The following KIF24 variants were observed in gnomAD, a reference collection of about 807,000 sequenced individuals.
KIF24 encodes the protein kinesin-like protein KIF24.
A neutral mutation model predicts 118.9 loss-of-function variants in KIF24; 81 were observed. That is an observed-to-expected ratio of 0.68 (90% CI 0.57 to 0.82). The LOEUF is 0.82. KIF24 is among the 40% of genes least tolerant of loss of function. The probability of loss-of-function intolerance (pLI) is 0.00; values close to 1 mark genes in which losing one functional copy is unlikely to be tolerated. For missense variants in KIF24, 1,560 were observed against 1,661.6 expected (o/e 0.94, Z 1.06); for synonymous variants, 599 against 610.0 (o/e 0.98, Z 0.27).
intron 1 of KIF24, among the ~76,000 whole-genome samples, chr9:34,320,240 A>C (rs183343633): frequency 2.0e-4 from 30 of 152,104 alleles, no homozygotes; most frequent in Non-Finnish European, 3.7e-4. Context: ...TTAGTTCTTC[A>C]AAGATGGGGA....
chr9:34,292,499 A>C (rs1836291022), intron 4 of KIF24, among the ~76,000 whole-genome samples: 2 of 152,176 alleles, frequency 1.3e-5, no homozygotes, highest in African/African-American at 4.8e-5. Flanking sequence ...AAATAAATCT[A>C]CAATGATTGA....
In KIF24 at chr9:34,318,633, C is replaced by T. The variant is rs956159619; in HGVS notation, c.-25-7262G>A. Reference sequence around the variant, plus strand: ...GTGTCGCCCGTGGTGGTGGCCTCGTCGTTGGGGCTCGTGTCGCTGGGCGGC... The same window carrying T: ...GTGTCGCCCGTGGTGGTGGCCTCGTTGTTGGGGCTCGTGTCGCTGGGCGGC... On this transcript the variant is annotated intron_variant, in intron 1 of 12. Transcript: ENST00000402558. The surrounding 1 kb of genome is among the most constrained non-coding windows in gnomAD (Gnocchi z 4.9). The T allele has an allele frequency of 4.7e-5, 72 of 1,530,018 alleles. No individual in the cohort carries two copies. The highest frequency in any genetic ancestry group is 5.6e-5 in the Non-Finnish European group (63 of 1,124,102). 94.8% of individuals were successfully genotyped at this position (1,530,018 alleles called of 1,614,324 possible). A position where few individuals can be genotyped will look rare whatever the true frequency, so the allele number is the denominator to read the frequency against.
chr9:34,290,753 C>A (rs1836227542), intron 4 of KIF24, among the ~76,000 whole-genome samples: 1 of 152,012 alleles, frequency 6.6e-6, no homozygotes, highest in Non-Finnish European at 1.5e-5. Context: ...GTGTGCGCCA[C>A]CATACCGGGC....
upstream of KIF24, among the ~76,000 whole-genome samples, chr9:34,329,919 A>C (rs1213443428): frequency 1.2e-4 from 18 of 152,212 alleles, no homozygotes; most frequent in South Asian, 4.1e-4. Context: ...CCAGGCGCCG[A>C]ACCTTCCCCT....
intron 1 of KIF24, among the ~76,000 whole-genome samples, chr9:34,323,563 G>A (rs781347893): frequency 1.2e-4 from 19 of 152,274 alleles, no homozygotes; most frequent in Non-Finnish European, 2.4e-4. Flanking sequence ...ACTGCAGGAC[G>A]TTGTCATTTG....
Position 34,257,617 on chromosome 9 carries a change from C to T in KIF24, c.1990G>A (p.Glu664Lys). The T allele has an allele frequency of 6.2e-7, 1 of 1,614,094 alleles. No individual in the cohort carries two copies. Among genetic ancestry groups the T allele is most frequent in the Non-Finnish European group, 8.5e-7 (1 of 1,179,908 alleles). The part of the protein sequence containing the change: ...SGHVAKKKPE[E>K]SAPLCSEKNR... ...TTCTCAGAGCACAATGGTGCTGACT[C>T]TTCTGGCTTTTTTTTGGCCACATGT... Residue 664 changes from glutamate to lysine, a missense_variant, in exon 11 of 13, where the codon GAG becomes AAG. Physicochemically the swap from Glu to Lys is moderately conservative, Grantham distance 56. Coordinates refer to ENST00000402558, the MANE Select transcript of KIF24 (RefSeq NM_194313.4).
At chr9:34,271,522 C>G (rs1835509047) in intron 7 of KIF24, among the ~76,000 whole-genome samples, 1 of 152,112 alleles carries the variant, frequency 6.6e-6, no homozygotes, top group African/African-American at 2.4e-5. Context: ...TGTAAGCTCT[C>G]TGAGATGCAT....
chr9:34,310,237 G>A (rs529416329), intron 2 of KIF24, among the ~76,000 whole-genome samples: 1 of 152,272 alleles, frequency 6.6e-6, no homozygotes, highest in South Asian at 2.1e-4. Context: ...TTCAATGTGT[G>A]TAGGTGAACT....
chr9:34,263,667 T>C (rs888551124), intron 8 of KIF24, among the ~76,000 whole-genome samples: 1 of 152,154 alleles, frequency 6.6e-6, no homozygotes, highest in African/African-American at 2.4e-5. Flanking sequence ...GGAGAAATTC[T>C]AGAGCCAGAG....
At chr9:34,295,305 T>G (rs554738145) in intron 4 of KIF24, among the ~76,000 whole-genome samples, 30 of 152,040 alleles carry the variant, frequency 2.0e-4, no homozygotes, top group African/African-American at 6.3e-4. Context: ...CCTCCTGGGC[T>G]CAAGCAATCC....
chr9:34,322,999 G>A (rs939317604), intron 1 of KIF24, among the ~76,000 whole-genome samples: 10 of 152,040 alleles, frequency 6.6e-5, no homozygotes, highest in African/African-American at 2.2e-4. Flanking sequence ...AGATTAAAGG[G>A]TGAAAAATGT....
chr9:34,306,524 C>A (rs542369131), intron 2 of KIF24, 83 bp from the exon 3 acceptor site: 1 of 974,492 alleles, frequency 1.0e-6, no homozygotes, highest in South Asian at 1.8e-5. Flanking sequence ...ACCTTTTAGC[C>A]GGGCGCGGTG....
intron 3 of KIF24, among the ~76,000 whole-genome samples, chr9:34,300,352 A>G (rs1031548080): frequency 4.6e-5 from 7 of 151,972 alleles, no homozygotes; most frequent in African/African-American, 1.2e-4. Context: ...ATAGTTAAAC[A>G]TATTTTTAAA....
At chr9:34,308,917 C>CA (rs925481795) in intron 2 of KIF24, among the ~76,000 whole-genome samples, 1 of 151,856 alleles carries the variant, frequency 6.6e-6, no homozygotes, top group African/African-American at 2.4e-5. Flanking sequence ...CCCAACTCTA[C>CA]AAAAAATTGA....
intron 7 of KIF24, among the ~76,000 whole-genome samples, chr9:34,270,934 TAA>T (rs899562473): frequency 2.1e-5 from 3 of 141,114 alleles, no homozygotes; most frequent in Non-Finnish European, 1.6e-5. Context: ...CCCTGTCTCT[TAA>T]AAAAAAAAAA....
rs893287976 is a variant in KIF24, at chr9:34,283,097, T to C, written c.1215+3520A>G. ...AAAAGAATATTATGGCCGGACATGGTGGCTCATGCCTGTAATCCCAGCACT... is the reference window on the plus strand; with the variant it reads ...AAAAGAATATTATGGCCGGACATGGCGGCTCATGCCTGTAATCCCAGCACT... On this transcript the variant is annotated intron_variant, in intron 6 of 12. Transcript: ENST00000402558. Among the ~76,000 whole-genome samples, 4 of 143,640 alleles carry C rather than the reference T, an allele frequency of 2.8e-5. No individual in the cohort carries two copies. The East Asian group carries it at 8.2e-4, about 30-fold the overall frequency. The allele number at this position is 143,640 out of a possible 152,430, so 94.2% of individuals were successfully genotyped here.
chr9:34,331,509 G>A (rs1349913957), upstream of KIF24, among the ~76,000 whole-genome samples: 1 of 152,146 alleles, frequency 6.6e-6, no homozygotes, highest in East Asian at 1.9e-4. Context: ...GACTAAAGGA[G>A]GATGAAAATG....
chr9:34,328,509 G>T (rs1022723685), intron 1 of KIF24, among the ~76,000 whole-genome samples: 2 of 152,200 alleles, frequency 1.3e-5, no homozygotes, highest in East Asian at 3.9e-4. Context: ...GCTGTGGACT[G>T]TGTGTGGACT....
In KIF24 at chr9:34,255,708, A is replaced by G; in HGVS notation, c.3872+27T>C. The G allele has an allele frequency of 1.9e-6, 3 of 1,573,136 alleles. No homozygotes were observed. In the East Asian group the frequency reaches 6.8e-5, roughly 35 times the overall value. ...TGGAGGGTGGGTGCCAAAGGGGCTCAAGTCTTAGGGAAAGTGTCCAACTTA... is the reference window on the plus strand; with the variant it reads ...TGGAGGGTGGGTGCCAAAGGGGCTCGAGTCTTAGGGAAAGTGTCCAACTTA... On this transcript the variant is annotated intron_variant, in intron 11 of 12. Transcript: ENST00000402558.
Sources: allele counts gnomAD v4.1 joint callset (sites outside exome capture counted in the v4.1 genomes callset), GRCh38; gene constraint gnomAD v4.1.1; non-coding constraint Gnocchi (gnomAD v3.1); transcripts MANE v1.5; gene names NCBI Gene and HGNC (gene_info 2026-07-23, HGNC 2026-07-21).